PABPC4L: variants seen among roughly 807,000 people sequenced by gnomAD.
The protein encoded by PABPC4L is polyadenylate-binding protein 4-like.
For synonymous variants in PABPC4L, 169 were observed against 164.1 expected (o/e 1.03, Z -0.23); for missense variants, 452 against 451.4 (o/e 1.00, Z -0.01).
At chr4:133,988,252 A>G in the PABPC4L span, among the ~76,000 whole-genome samples, 4 of 152,170 alleles carry the variant, frequency 2.6e-5, no homozygotes, top group African/African-American at 9.6e-5. Context: ...ACAGTCTCTC[A>G]AAGTCTGAAC....
chr4:133,954,253 C>T, the PABPC4L span, among the ~76,000 whole-genome samples: 1 of 152,120 alleles, frequency 6.6e-6, no homozygotes, highest in African/African-American at 2.4e-5. Flanking sequence ...GTTAGGGTAT[C>T]CCAGGGATTT....
At chr4:134,167,521 A>G in the PABPC4L span, among the ~76,000 whole-genome samples, 2 of 151,970 alleles carry the variant, frequency 1.3e-5, no homozygotes, top group African/African-American at 4.8e-5. Flanking sequence ...GGACTCAAGT[A>G]TATGCTGTGT....
the PABPC4L span, among the ~76,000 whole-genome samples, chr4:134,007,894 T>C: frequency 6.6e-6 from 1 of 151,754 alleles, no homozygotes; most frequent in Non-Finnish European, 1.5e-5. Flanking sequence ...GATAAACTGT[T>C]TTACTGAAAC....
the PABPC4L span, among the ~76,000 whole-genome samples, chr4:134,086,600 T>C: frequency 6.6e-6 from 1 of 152,054 alleles, no homozygotes; most frequent in Non-Finnish European, 1.5e-5. Flanking sequence ...GCAGATCTTA[T>C]TGTAGCAGGG....
At chr4:134,111,835 C>T in the PABPC4L span, among the ~76,000 whole-genome samples, 16 of 152,066 alleles carry the variant, frequency 1.1e-4, no homozygotes, top group South Asian at 3.3e-3. Context: ...ATAAACCTCC[C>T]TCTTTTGTAA....
At chr4:134,079,695 G>A in the PABPC4L span, among the ~76,000 whole-genome samples, 1 of 151,308 alleles carries the variant, frequency 6.6e-6, no homozygotes, top group Non-Finnish European at 1.5e-5. Flanking sequence ...GTCTGTGTGT[G>A]TGAGAGAGAG....
chr4:133,973,389 A>G, the PABPC4L span, among the ~76,000 whole-genome samples: 1 of 152,002 alleles, frequency 6.6e-6, no homozygotes, highest in African/African-American at 2.4e-5. Context: ...AAAAGCTGAT[A>G]TAAACTTTTT....
At chr4:133,970,129 T>C in the PABPC4L span, among the ~76,000 whole-genome samples, 1 of 149,774 alleles carries the variant, frequency 6.7e-6, no homozygotes. Context: ...TATATATTTC[T>C]AGTTTGTATC....
At chr4:134,134,490 T>G in the PABPC4L span, among the ~76,000 whole-genome samples, 1 of 151,904 alleles carries the variant, frequency 6.6e-6, no homozygotes, top group Non-Finnish European at 1.5e-5. Flanking sequence ...CAAAGCAAAG[T>G]AATTTTTTTA....
the PABPC4L span, among the ~76,000 whole-genome samples, chr4:134,064,752 AC>A: frequency 1.3e-5 from 2 of 151,662 alleles, no homozygotes; most frequent in Non-Finnish European, 2.9e-5. Flanking sequence ...CACTTCTCAT[AC>A]CCTCCACCCT....
chr4:133,984,838 G>A, the PABPC4L span, among the ~76,000 whole-genome samples: 1 of 151,812 alleles, frequency 6.6e-6, no homozygotes, highest in Admixed American at 6.6e-5. Flanking sequence ...TCTTGCAAAA[G>A]GAGTTGTGAG....
the PABPC4L span, among the ~76,000 whole-genome samples, chr4:133,969,059 G>A: frequency 2.0e-5 from 3 of 152,056 alleles, no homozygotes; most frequent in Non-Finnish European, 4.4e-5. Context: ...GTCTGAGAGG[G>A]GCACAGATTA....
At chr4:134,031,255 G>T in the PABPC4L span, among the ~76,000 whole-genome samples, 1 of 151,756 alleles carries the variant, frequency 6.6e-6, no homozygotes, top group Non-Finnish European at 1.5e-5. Flanking sequence ...AATTTTATCT[G>T]TCCTCTAATT....
the PABPC4L span, among the ~76,000 whole-genome samples, chr4:134,041,244 A>G: frequency 1.5e-4 from 23 of 152,262 alleles, no homozygotes; most frequent in East Asian, 4.3e-3. Context: ...AAAGGATTAT[A>G]AATTATTCTA....
At chr4:134,173,743 C>T in the PABPC4L span, among the ~76,000 whole-genome samples, 1 of 152,000 alleles carries the variant, frequency 6.6e-6, no homozygotes, top group Non-Finnish European at 1.5e-5. Context: ...ATGATAAGTG[C>T]TTGAGGTGAT....
At chr4:133,965,695 A>G in the PABPC4L span, among the ~76,000 whole-genome samples, 91 of 152,238 alleles carry the variant, frequency 6.0e-4, no homozygotes, top group African/African-American at 2.1e-3. Context: ...TTGACAAAAC[A>G]AACAAAAACA....
the PABPC4L span, among the ~76,000 whole-genome samples, chr4:133,968,455 G>C: frequency 6.6e-6 from 1 of 152,158 alleles, no homozygotes; most frequent in South Asian, 2.1e-4. Context: ...CCATTGTCTA[G>C]GACGTCTTGG....
the PABPC4L span, among the ~76,000 whole-genome samples, chr4:134,085,363 A>G: frequency 6.6e-6 from 1 of 152,202 alleles, no homozygotes; most frequent in East Asian, 1.9e-4. Context: ...ACACATGTAC[A>G]TATACAAATC....
chr4:134,150,197 C>A, the PABPC4L span, among the ~76,000 whole-genome samples: 11 of 151,556 alleles, frequency 7.3e-5, no homozygotes, highest in Admixed American at 7.2e-4. Flanking sequence ...ATTCTCCCTG[C>A]CTCAGCCTCT....
Sources: gnomAD v4.1 joint callset for allele counts (sites outside exome capture counted in the v4.1 genomes callset) on GRCh38, gnomAD v4.1.1 for gene constraint, MANE v1.5 for transcripts, NCBI Gene and HGNC (gene_info 2026-07-23, HGNC 2026-07-21) for gene names.